STXBP5: variants seen among roughly 807,000 people sequenced by gnomAD.
STXBP5 encodes syntaxin binding protein 5.
STXBP5 carries 50 observed loss-of-function variants against 152.4 expected under a neutral mutation model. That is an observed-to-expected ratio of 0.33 (90% CI 0.26 to 0.42). STXBP5 has a LOEUF of 0.42. Among genes scored for constraint, STXBP5 ranks in the 10% least tolerant of loss-of-function variants. The probability of loss-of-function intolerance (pLI) is 1.00; values close to 1 mark genes in which losing one functional copy is unlikely to be tolerated. For missense variants in STXBP5, 1,167 were observed against 1,388.6 expected (o/e 0.84, Z 2.54); for synonymous variants, 492 against 494.7 (o/e 0.99, Z 0.07).
At chr6:147,294,948 T>C (rs1781445390) in intron 9 of STXBP5, among the ~76,000 whole-genome samples, 1 of 152,214 alleles carries the variant, frequency 6.6e-6, no homozygotes, top group African/African-American at 2.4e-5. Context: ...AAATAATTGG[T>C]GATTTGGATT....
rs747075213 is a variant in STXBP5, at chr6:147,262,347, G to C, written c.624G>C (p.Glu208Asp). ...ATATAAGTGATAATCCAATGGACGA[G>C]GGAAAGGTAGAATTTTTTGTAAAAA... ...VVHISDNPMD[E>D]GKLLIGFESG... The change falls in exon 6 of 28, where the codon GAG becomes GAC. Residue 208 changes from glutamate (E) to aspartate (D), a missense_variant. Transcript: ENST00000321680. The C allele has an allele frequency of 7.1e-6, 11 of 1,556,872 alleles. No individual in the cohort carries two copies. Among genetic ancestry groups the C allele is most frequent in the East Asian group, 2.3e-5 (1 of 42,794 alleles).
intron 16 of STXBP5, among the ~76,000 whole-genome samples, chr6:147,318,742 T>C (rs1185684826): frequency 6.6e-6 from 1 of 152,216 alleles, no homozygotes. Context: ...TTAATTGTTA[T>C]CTTTTGTGTA....
intron 25 of STXBP5, among the ~76,000 whole-genome samples, chr6:147,368,565 C>T (rs1785400580): frequency 2.0e-5 from 3 of 152,084 alleles, no homozygotes; most frequent in African/African-American, 4.8e-5. Flanking sequence ...TCAGCAATTA[C>T]AGAAGAATGT....
At chr6:147,309,735 A>G (rs1229938177) in intron 9 of STXBP5, among the ~76,000 whole-genome samples, 3 of 152,126 alleles carry the variant, frequency 2.0e-5, no homozygotes, top group Non-Finnish European at 2.9e-5. Flanking sequence ...GGGAGCTTCT[A>G]TTGAGAAGGC....
At chr6:147,333,414 C>G (rs995635950) in intron 18 of STXBP5, among the ~76,000 whole-genome samples, 11 of 152,096 alleles carry the variant, frequency 7.2e-5, no homozygotes, top group African/African-American at 2.7e-4. Flanking sequence ...GTCCCAGCTA[C>G]TTGGGAGGCC....
intron 5 of STXBP5, among the ~76,000 whole-genome samples, chr6:147,261,324 G>A (rs990438116): frequency 2.0e-5 from 3 of 151,186 alleles, no homozygotes; most frequent in Admixed American, 6.6e-5. Context: ...TAAACTATAG[G>A]GCCCTAAGGA....
chr6:147,364,203 G>C (rs535297086), intron 25 of STXBP5, 37 bp downstream of exon 25: 2 of 1,571,892 alleles, frequency 1.3e-6, no homozygotes, highest in Non-Finnish European at 1.7e-6. Flanking sequence ...TTCTTCAGAG[G>C]TAAAGTATTC....
At chr6:147,372,418 T>TTTTTTTC in intron 25 of STXBP5, among the ~76,000 whole-genome samples, 1 of 18,040 alleles carries the variant, frequency 5.5e-5, no homozygotes, top group African/African-American at 2.4e-4. Context: ...TTTTTTTTTT[T>TTTTTTTC]TTTTTTTTTT....
chr6:147,311,444 T>G lies in STXBP5; in HGVS notation c.1073-11T>G. 6.2e-7 allele frequency: 1 copy of G among 1,610,570 alleles called. No homozygotes were observed. On this transcript the variant is annotated splice_polypyrimidine_tract_variant and intron_variant, in intron 10 of 27. Transcript: ENST00000321680. Reference sequence around the variant, plus strand: ...TTTTGAAACTATAATTCATGCATTGTCCAATTCCAGATTTTCAAGAACCAT... The same window carrying G: ...TTTTGAAACTATAATTCATGCATTGGCCAATTCCAGATTTTCAAGAACCAT...
intron 2 of STXBP5, among the ~76,000 whole-genome samples, chr6:147,223,421 G>A (rs1777556684): frequency 6.6e-6 from 1 of 152,106 alleles, no homozygotes; most frequent in African/African-American, 2.4e-5. Flanking sequence ...TTAGATGAGA[G>A]TAGAAAATTA....
rs1782373002 is a variant in STXBP5, at chr6:147,311,483, T to G, written c.1101T>G (p.Val367=). ...NDFQEPYAVV[V]LLEKDLVLID... is the part of the protein sequence containing the mutation. The stretch of plus-strand genomic sequence containing the variant: ...TTCAAGAACCATATGCTGTGGTTGT[T>G]CTTCTAGAAAAGGATTTAGTACTTA... Residue 367 remains valine (V), a synonymous_variant, in exon 11 of 28, where the codon GTT becomes GTG. Coordinates refer to ENST00000321680, the MANE Select transcript of STXBP5 (RefSeq NM_001127715.4). The G allele has an allele frequency of 1.2e-6, 2 of 1,612,224 alleles. No homozygotes were observed. The highest frequency in any genetic ancestry group is 1.7e-6 in the Non-Finnish European group (2 of 1,179,186).
At chr6:147,292,231 T>C in intron 9 of STXBP5, 1 of 452,982 alleles carries the variant, frequency 2.2e-6, no homozygotes, top group Non-Finnish European at 4.4e-6. Context: ...TGTCGTTATC[T>C]TTTCCTTCCT....
intron 16 of STXBP5, among the ~76,000 whole-genome samples, chr6:147,322,670 A>AT (rs1562486357): frequency 6.6e-6 from 1 of 152,232 alleles, no homozygotes; most frequent in Non-Finnish European, 1.5e-5. Flanking sequence ...CAGGCTTTGC[A>AT]TATGTTTTGC....
At chr6:147,253,433 A>G (rs1370888113) in intron 4 of STXBP5, among the ~76,000 whole-genome samples, 2 of 152,186 alleles carry the variant, frequency 1.3e-5, no homozygotes, top group African/African-American at 2.4e-5. Flanking sequence ...CCTGTCCAAC[A>G]TAGTATTGGA....
At chr6:147,261,144 C>A (rs1157618995) in intron 5 of STXBP5, among the ~76,000 whole-genome samples, 1 of 151,906 alleles carries the variant, frequency 6.6e-6, no homozygotes, top group Non-Finnish European at 1.5e-5. Context: ...CTGATTTAAA[C>A]TACTACTTGA....
In STXBP5 at chr6:147,290,212, A is replaced by C. The variant is rs1781209873; in HGVS notation, c.839-882A>C. Among the ~76,000 whole-genome samples the C allele has an allele frequency of 2.0e-5, 3 of 152,208 alleles. No homozygotes were observed. In the South Asian group the frequency reaches 6.2e-4, roughly 31 times the overall value. On this transcript the variant is annotated intron_variant, in intron 8 of 27. Coordinates refer to ENST00000321680, the MANE Select transcript of STXBP5 (RefSeq NM_001127715.4). Reference sequence around the variant, plus strand: ...TACAGGAGTGAGACCTTGTCTCAAAAAAAAGAAAAAAAATTTGCTTGCCTA... The same window carrying C: ...TACAGGAGTGAGACCTTGTCTCAAACAAAAGAAAAAAAATTTGCTTGCCTA...
At chr6:147,346,080 T>C (rs576438727) in intron 21 of STXBP5, among the ~76,000 whole-genome samples, 5 of 152,236 alleles carry the variant, frequency 3.3e-5, no homozygotes, top group African/African-American at 1.2e-4. Flanking sequence ...ACAGAAACAA[T>C]GTGTCTTTCA....
Position 147,327,105 on chromosome 6 carries a change from T to G in STXBP5, c.1929-20T>G. On this transcript the variant is annotated intron_variant, in intron 17 of 27. Transcript: ENST00000321680. ...AATTATTTGTTTGTGCTAAAATGTT[T>G]GTTATTTTCCTATTCCCAGGGTGGT... The G allele has an allele frequency of 3.1e-6, 5 of 1,604,432 alleles. No individual in the cohort carries two copies. Among genetic ancestry groups the G allele is most frequent in the Non-Finnish European group, 4.2e-6 (5 of 1,176,556 alleles).
chr6:147,353,414 A>C, intron 22 of STXBP5, 41 bp downstream of exon 22: 2 of 1,343,278 alleles, frequency 1.5e-6, no homozygotes, highest in Non-Finnish European at 2.0e-6. Context: ...ACTCCCTATA[A>C]TGGGAAGACA....
Sources: gnomAD v4.1 joint callset for allele counts (sites outside exome capture counted in the v4.1 genomes callset) on GRCh38, gnomAD v4.1.1 for gene constraint, MANE v1.5 for transcripts, NCBI Gene and HGNC (gene_info 2026-07-23, HGNC 2026-07-21) for gene names.